MKRN2: variants seen among roughly 807,000 people sequenced by gnomAD.
MKRN2 encodes the protein makorin ring finger protein 2, also known as E3 ubiquitin-protein ligase makorin-2.
In MKRN2, 32 loss-of-function variants were observed where a neutral mutation model predicts 45.4. The observed-to-expected ratio is 0.70, with a 90% CI of 0.53 to 0.95. The LOEUF is 0.95. MKRN2 is among the 40% of genes least tolerant of loss of function. The pLI is 0.00. For synonymous variants in MKRN2, 206 were observed against 192.4 expected, an observed-to-expected ratio of 1.07 and a Z score of -0.59; for missense variants, 526 against 536.7, an observed-to-expected ratio of 0.98 and a Z score of 0.20.
chr3:12,574,996 C>T lies in MKRN2; in HGVS notation c.847C>T (p.Pro283Ser), dbSNP rs758461096. Residue 283 changes from proline (P) to serine (S), a missense_variant, in exon 5 of 8, where the codon CCA (proline) becomes TCA (serine). Coordinates refer to ENST00000170447, the MANE Select transcript of MKRN2 (RefSeq NM_014160.5). The stretch of plus-strand genomic sequence containing the variant: ...GCGGTGTGCCAAACAGTTTGAAAAC[C>T]CAATCATTAAGTAAGTACAGCCAGG... ...QWRCAKQFENPIIKSCPECRV... is the reference protein window; with the variant it reads ...QWRCAKQFENSIIKSCPECRV... The T allele has an allele frequency of 4.3e-6, 7 of 1,613,864 alleles. No individual in the cohort carries two copies. In the South Asian group the frequency reaches 6.6e-5, roughly 15 times the overall value.
intron 3 of MKRN2, among the ~76,000 whole-genome samples, chr3:12,571,114 T>TTTTGTTTG (rs59101458): frequency 0.59 from 88,578 of 150,394 alleles, 27,484 homozygotes; most frequent in African/African-American, 0.75. Flanking sequence ...TTGTTGTGTT[T>TTTTGTTTG]TTTGTTTGTT....
intron 6 of MKRN2, among the ~76,000 whole-genome samples, chr3:12,580,936 T>C (rs1301583318): frequency 6.6e-6 from 1 of 152,186 alleles, no homozygotes; most frequent in African/African-American, 2.4e-5. Flanking sequence ...CTTTCTGTTG[T>C]TTGGCTTTAT....
intron 6 of MKRN2, among the ~76,000 whole-genome samples, chr3:12,580,105 T>C (rs2058167632): frequency 6.6e-6 from 1 of 151,910 alleles, no homozygotes; most frequent in African/African-American, 2.4e-5. Flanking sequence ...CACAGTTGGG[T>C]GTGAGAGCCG....
intron 6 of MKRN2, chr3:12,576,946 T>G (rs1196635310): frequency 5.2e-5 from 14 of 271,280 alleles, no homozygotes; most frequent in Non-Finnish European, 8.8e-5. Flanking sequence ...TTTTTTTTTT[T>G]TTTTTTTTTT....
At chr3:12,575,960 T>C (rs554339767) in intron 5 of MKRN2, among the ~76,000 whole-genome samples, 6 of 152,324 alleles carry the variant, frequency 3.9e-5, no homozygotes, top group East Asian at 3.9e-4. Context: ...GCAACTATTA[T>C]GAATAATGCT....
intron 5 of MKRN2, among the ~76,000 whole-genome samples, chr3:12,575,270 G>A (rs890808364): frequency 7.2e-5 from 11 of 152,130 alleles, no homozygotes; most frequent in African/African-American, 2.4e-4. Flanking sequence ...GTGTTAAATG[G>A]CACTGACCTG....
At chr3:12,563,505 T>C (rs1406367777) in intron 1 of MKRN2, among the ~76,000 whole-genome samples, 33 of 118,508 alleles carry the variant, frequency 2.8e-4, no homozygotes, top group African/African-American at 9.5e-4. Context: ...TTTTTTTTTT[T>C]CCTGAGACGG....
rs570857925 is a variant in MKRN2, at chr3:12,576,947, T to G, written c.968+206T>G. On this transcript the variant is annotated intron_variant, in intron 6 of 7. Transcript: ENST00000170447. ...TTAGTTTTGGTGTTTTTTTTTTTTT[T>G]TTTTTTTTTTCGGTGAGATAGGGTC... 26 of 273,420 alleles carry G rather than the reference T, an allele frequency of 9.5e-5. No homozygotes were observed. The South Asian group carries it at 1.2e-3, about 12-fold the overall frequency. 16.9% of individuals were successfully genotyped at this position (273,420 alleles called of 1,614,324 possible). A position where few individuals can be genotyped will look rare whatever the true frequency, so the allele number is the denominator to read the frequency against.
intron 2 of MKRN2, 69 bp from the exon 3 acceptor site, chr3:12,570,002 C>T (rs2125303660): frequency 2.1e-6 from 3 of 1,428,476 alleles, no homozygotes; most frequent in East Asian, 4.7e-5. Context: ...GGGCCATTGG[C>T]ATCTGGGGAG....
chr3:12,570,069 A>G lies in MKRN2; in HGVS notation c.156-2A>G. ...AATGCATCTGCTGTGTGTTTTGTTT[A>G]GATATGACCACACGAGGCCCTCTGC... On this transcript the variant is annotated splice_acceptor_variant, in intron 2 of 7. Transcript: ENST00000170447. LOFTEE classifies it high-confidence loss of function. The G allele has an allele frequency of 6.2e-7, 1 of 1,603,220 alleles. No homozygotes were observed. Among genetic ancestry groups the G allele is most frequent in the Non-Finnish European group, 8.5e-7 (1 of 1,175,768 alleles).
intron 4 of MKRN2, among the ~76,000 whole-genome samples, chr3:12,573,516 A>G (rs1226974643): frequency 4.1e-5 from 4 of 96,508 alleles, no homozygotes; most frequent in Non-Finnish European, 8.3e-5. Flanking sequence ...CCTGGGCAAT[A>G]AGAGTGAGAC....
At chr3:12,574,761 A>G (rs756298731) in intron 4 of MKRN2, 31 bp from the exon 5 acceptor site, 2 of 1,596,450 alleles carry the variant, frequency 1.3e-6, no homozygotes, top group Non-Finnish European at 8.6e-7. Flanking sequence ...GTGGCCCACA[A>G]CCAAAGCCTT....
chr3:12,579,638 CTG>C (rs1277231775), intron 6 of MKRN2, among the ~76,000 whole-genome samples: 5 of 152,138 alleles, frequency 3.3e-5, no homozygotes, highest in African/African-American at 1.2e-4. Flanking sequence ...AAGCACCTGT[CTG>C]TAGGGGGAAG....
chr3:12,578,858 A>ATTTTTTTTTTTTTT (rs374121518), intron 6 of MKRN2, among the ~76,000 whole-genome samples: 1 of 125,228 alleles, frequency 8.0e-6, no homozygotes, highest in Non-Finnish European at 1.7e-5. Context: ...CTAAAGCTTG[A>ATTTTTTTTTTTTTT]TTTTTTTTTT....
chr3:12,567,808 C>T (rs1486906444), intron 1 of MKRN2, among the ~76,000 whole-genome samples: 5 of 152,184 alleles, frequency 3.3e-5, no homozygotes, highest in African/African-American at 4.8e-5. Context: ...TCTTTAATAT[C>T]AAGACATGTT....
chr3:12,578,235 A>C (rs149459320), intron 6 of MKRN2, among the ~76,000 whole-genome samples: 1 of 151,752 alleles, frequency 6.6e-6, no homozygotes, highest in East Asian at 1.9e-4. Context: ...TCAGGCCAGA[A>C]AGATTGGATT....
intron 6 of MKRN2, 87 bp from the exon 7 acceptor site, chr3:12,581,721 G>C (rs998470434): frequency 1.4e-6 from 2 of 1,456,424 alleles, no homozygotes; most frequent in African/African-American, 2.8e-5. Flanking sequence ...TCTGGCGTAA[G>C]GGTGGTAAGG....
At chr3:12,574,133 T>C (rs2058116841) in intron 4 of MKRN2, among the ~76,000 whole-genome samples, 2 of 152,178 alleles carry the variant, frequency 1.3e-5, no homozygotes, top group Admixed American at 6.5e-5. Context: ...CACTCTCCAT[T>C]GTCTTCCAGG....
intron 1 of MKRN2, among the ~76,000 whole-genome samples, chr3:12,567,241 G>A (rs192031793): frequency 3.2e-4 from 48 of 148,996 alleles, no homozygotes; most frequent in Non-Finnish European, 5.3e-4. Context: ...ATTAGGGTGT[G>A]TCTAAAATAC....
Sources: gnomAD v4.1 joint callset for allele counts (sites outside exome capture counted in the v4.1 genomes callset) on GRCh38, gnomAD v4.1.1 for gene constraint, MANE v1.5 for transcripts, NCBI Gene and HGNC (gene_info 2026-07-23, HGNC 2026-07-21) for gene names.